GRIN3A: variants seen among roughly 807,000 people sequenced by gnomAD.
GRIN3A encodes the protein glutamate ionotropic receptor NMDA type subunit 3A, also known as glutamate receptor ionotropic, NMDA 3A.
Under a neutral mutation model 92.4 loss-of-function variants are expected in GRIN3A, and 47 were observed. The ratio of observed to expected loss-of-function variants is 0.51; its 90% CI spans 0.40 to 0.65. The LOEUF (loss-of-function observed/expected upper bound fraction) is 0.65, where lower values mean the gene tolerates loss of function less well. Among genes scored for constraint, GRIN3A ranks in the 30% least tolerant of loss-of-function variants. The pLI, the probability that GRIN3A is intolerant of heterozygous loss-of-function variation, is 0.00. For synonymous variants in GRIN3A, 527 were observed against 540.6 expected (o/e 0.97, Z 0.35); for missense variants, 1,324 against 1,393.1 (o/e 0.95, Z 0.79).
chr9:101,681,435 CTG>C (rs1019857074), intron 2 of GRIN3A, among the ~76,000 whole-genome samples: 1 of 152,198 alleles, frequency 6.6e-6, no homozygotes, highest in Non-Finnish European at 1.5e-5. Context: ...CATACAAACT[CTG>C]TGTGGTATGT....
chr9:101,577,890 TAGGTC>T (rs1223332332), intron 7 of GRIN3A, 46 bp from the exon 8 acceptor site: 2 of 1,384,768 alleles, frequency 1.4e-6, no homozygotes, highest in African/African-American at 1.4e-5. Context: ...GAGAAACACA[TAGGTC>T]AGGGAACAAA....
chr9:101,711,963 C>T (rs1829884792), intron 1 of GRIN3A, among the ~76,000 whole-genome samples: 1 of 152,168 alleles, frequency 6.6e-6, no homozygotes, highest in South Asian at 2.1e-4. Context: ...AGGGTCCCTC[C>T]TTGGAGCTCA....
Position 101,720,043 on chromosome 9 carries a change from C to T in GRIN3A, c.699+17238G>A, listed in dbSNP as rs141603366. On this transcript the variant is annotated intron_variant, in intron 1 of 8. Coordinates refer to ENST00000361820, the MANE Select transcript of GRIN3A (RefSeq NM_133445.3). ...AAGATAAACACACTTTTTAAGTCCC[C>T]GTTTGGGAATTATGAAACCCTGCTC... 6.8e-4 allele frequency among the ~76,000 whole-genome samples: 104 copies of T among 152,156 alleles called. 1 individual carries two copies. In the East Asian group the frequency reaches 0.013, roughly 20 times the overall value.
In GRIN3A at chr9:101,671,051, G is replaced by A; in HGVS notation, c.1361C>T (p.Ser454Phe). ...GTTGTTTTCTGAGCTGACGATGGTG[G>A]AACCTTTTACTCTGATGGAACCACT... ...GLSGSIRVKGSTIVSSENNFF... is the reference protein window; with the variant it reads ...GLSGSIRVKGFTIVSSENNFF... Residue 454 changes from serine to phenylalanine, a missense_variant, in exon 3 of 9, where the codon TCC becomes TTC. Physicochemically the swap from Ser to Phe is radical, Grantham distance 155. Transcript: ENST00000361820. The A allele has an allele frequency of 6.2e-7, 1 of 1,613,922 alleles. No homozygotes were observed. Among genetic ancestry groups the A allele is most frequent in the Middle Eastern group, 1.7e-4 (1 of 6,060 alleles).
chr9:101,705,106 A>G (rs1829796455), intron 1 of GRIN3A, among the ~76,000 whole-genome samples: 2 of 152,134 alleles, frequency 1.3e-5, no homozygotes, highest in East Asian at 1.9e-4. Context: ...CTAAATGAGA[A>G]CACGCACTCC....
intron 1 of GRIN3A, among the ~76,000 whole-genome samples, chr9:101,716,154 G>A (rs928692374): frequency 2.0e-5 from 3 of 152,084 alleles, no homozygotes; most frequent in African/African-American, 7.2e-5. Context: ...ACAATGAGGG[G>A]ACTGAATGGC....
intron 6 of GRIN3A, among the ~76,000 whole-genome samples, chr9:101,584,490 A>G (rs1827926152): frequency 6.6e-6 from 1 of 152,256 alleles, no homozygotes; most frequent in African/African-American, 2.4e-5. Flanking sequence ...TATGTTATGC[A>G]GAAATTCTTG....
At chr9:101,580,714 G>A (rs1350612129) in intron 6 of GRIN3A, among the ~76,000 whole-genome samples, 2 of 152,164 alleles carry the variant, frequency 1.3e-5, no homozygotes, top group Non-Finnish European at 2.9e-5. Flanking sequence ...TCTGCCAAGT[G>A]TTTTACATTA....
intron 3 of GRIN3A, among the ~76,000 whole-genome samples, chr9:101,634,536 T>G (rs1828758808): frequency 6.6e-6 from 1 of 151,848 alleles, no homozygotes; most frequent in African/African-American, 2.4e-5. Flanking sequence ...TATTATTACA[T>G]ATGAGGAGCT....
chr9:101,735,680 T>C (rs946115967), intron 1 of GRIN3A, among the ~76,000 whole-genome samples: 3 of 151,918 alleles, frequency 2.0e-5, no homozygotes, highest in African/African-American at 7.2e-5. Flanking sequence ...CAAGTGATGC[T>C]GACTCCTGCA....
chr9:101,656,059 T>C (rs1829085358), intron 3 of GRIN3A, among the ~76,000 whole-genome samples: 1 of 151,506 alleles, frequency 6.6e-6, no homozygotes, highest in Admixed American at 6.6e-5. Flanking sequence ...AAGAACAGAG[T>C]GAGAAATGGG....
At chr9:101,710,146 AG>A (rs1287182201) in intron 1 of GRIN3A, among the ~76,000 whole-genome samples, 1 of 152,196 alleles carries the variant, frequency 6.6e-6, no homozygotes, top group Non-Finnish European at 1.5e-5. Flanking sequence ...CTTTAAGAAC[AG>A]GAGAGGTAAT....
chr9:101,728,356 C>T (rs768607663), intron 1 of GRIN3A, among the ~76,000 whole-genome samples: 58 of 152,010 alleles, frequency 3.8e-4, no homozygotes, highest in Middle Eastern at 3.2e-3. Flanking sequence ...CCACCCCTGG[C>T]GGTGAGGAGA....
chr9:101,689,312 A>G (rs1211486504), intron 1 of GRIN3A, among the ~76,000 whole-genome samples: 1 of 152,156 alleles, frequency 6.6e-6, no homozygotes, highest in Non-Finnish European at 1.5e-5. Context: ...CCTCCGAATC[A>G]CCCATAGGAC....
At chr9:101,584,975 C>T (rs1215600714) in intron 6 of GRIN3A, among the ~76,000 whole-genome samples, 4 of 152,162 alleles carry the variant, frequency 2.6e-5, no homozygotes, top group Admixed American at 2.6e-4. Context: ...GTGCCCATTC[C>T]ACACCTCCCA....
chr9:101,638,649 G>T (rs929804538), intron 3 of GRIN3A, among the ~76,000 whole-genome samples: 4 of 152,170 alleles, frequency 2.6e-5, no homozygotes, highest in Non-Finnish European at 5.9e-5. Flanking sequence ...CCATGTGCCA[G>T]GCACTGTTGA....
intron 3 of GRIN3A, among the ~76,000 whole-genome samples, chr9:101,654,524 G>A (rs889025944): frequency 6.6e-6 from 1 of 151,352 alleles, no homozygotes; most frequent in Middle Eastern, 3.4e-3. Context: ...TTTTCTGATC[G>A]TTTCCCACTT....
chr9:101,722,467 C>G (rs1830024881), intron 1 of GRIN3A, among the ~76,000 whole-genome samples: 1 of 152,190 alleles, frequency 6.6e-6, no homozygotes, highest in Non-Finnish European at 1.5e-5. Flanking sequence ...GTCCTCCAGA[C>G]CCCAGAATGG....
At chr9:101,622,716 C>T (rs530021224) in intron 5 of GRIN3A, among the ~76,000 whole-genome samples, 1 of 152,132 alleles carries the variant, frequency 6.6e-6, no homozygotes, top group East Asian at 1.9e-4. Context: ...AGATTTCAGT[C>T]CCAGTATTAT....
Sources: gnomAD v4.1 joint callset for allele counts (sites outside exome capture counted in the v4.1 genomes callset) on GRCh38, gnomAD v4.1.1 for gene constraint, MANE v1.5 for transcripts, NCBI Gene and HGNC (gene_info 2026-07-23, HGNC 2026-07-21) for gene names.